The following RABGAP1 variants were observed in gnomAD, a reference collection of about 807,000 sequenced individuals.
The protein encoded by RABGAP1 is rab GTPase-activating protein 1.
In RABGAP1, 23 loss-of-function variants were observed where a neutral mutation model predicts 137.6. That is an observed-to-expected ratio of 0.17 (90% CI 0.12 to 0.24). The LOEUF is 0.24. Among genes scored for constraint, RABGAP1 ranks in the 10% least tolerant of loss-of-function variants. The pLI is 1.00. For missense variants in RABGAP1, 906 were observed against 1,275.8 expected (o/e 0.71, Z 4.42); for synonymous variants, 451 against 450.7 (o/e 1.00, Z -0.01).
chr9:122,950,296 A>G (rs1388316411), intron 1 of RABGAP1, among the ~76,000 whole-genome samples: 1 of 150,904 alleles, frequency 6.6e-6, no homozygotes, highest in African/African-American at 2.4e-5. Context: ...ACTAAAATCC[A>G]TTATTCCAAG....
intron 24 of RABGAP1, 75 bp downstream of exon 24, chr9:123,099,624 G>A (rs953524780): frequency 2.3e-6 from 3 of 1,294,636 alleles, no homozygotes; most frequent in Non-Finnish European, 3.3e-6. Flanking sequence ...GTTTTGGGAG[G>A]AGGCAGTTGA....
In RABGAP1 at chr9:123,074,447, A is replaced by T. The variant is rs76058281; in HGVS notation, c.2253+19A>T. ...ATGTGAGGTATGTATCAGAGGCCAC[A>T]GCACTTTGGCTTTTGTTTGCAGTGT... On this transcript the variant is annotated intron_variant, in intron 17 of 25. Transcript: ENST00000373647. 5.9e-5 allele frequency: 95 copies of T among 1,603,478 alleles called. No individual in the cohort carries two copies. The East Asian group carries it at 1.9e-3, about 33-fold the overall frequency.
chr9:122,974,431 T>TTTC (rs1428439754), intron 2 of RABGAP1, among the ~76,000 whole-genome samples: 5 of 147,164 alleles, frequency 3.4e-5, no homozygotes, highest in Non-Finnish European at 7.5e-5. Context: ...TTTTTTTTTT[T>TTTC]TTTTTTTTTT....
At chr9:123,097,951 A>C in intron 22 of RABGAP1, 106 bp downstream of exon 22, 1 of 903,016 alleles carries the variant, frequency 1.1e-6, no homozygotes, top group Non-Finnish European at 1.7e-6. Context: ...ATCTGGCTTC[A>C]GTTTCTTTCC....
At chr9:122,937,702 AAGG>A (rs1391533735), upstream of RABGAP1, 1 of 152,164 alleles carries the variant, frequency 6.6e-6, no homozygotes, top group Admixed American at 6.6e-5. Context: ...AAATTATAAA[AAGG>A]AGCTGAGGCC....
chr9:123,085,992 T>TA (rs1371551696), intron 19 of RABGAP1, among the ~76,000 whole-genome samples: 1 of 152,238 alleles, frequency 6.6e-6, no homozygotes, highest in Non-Finnish European at 1.5e-5. Flanking sequence ...GCACTGGAGA[T>TA]ACAATAGTAA....
intron 1 of RABGAP1, among the ~76,000 whole-genome samples, chr9:122,947,957 T>C (rs1242226487): frequency 4.6e-5 from 7 of 152,078 alleles, no homozygotes; most frequent in Admixed American, 3.3e-4. Flanking sequence ...TGAGTTTTGT[T>C]TGATTTGTCC....
At position 123,010,389 on chromosome 9, in the gene RABGAP1, T is replaced by A. The variant is rs776401046; in HGVS notation, c.1410T>A (p.Thr470=). ...GGGAGAGAAAGAATAATACTGACACTTTATATGAAGTTGTATGCTTGGAAA... is the reference window on the plus strand; with the variant it reads ...GGGAGAGAAAGAATAATACTGACACATTATATGAAGTTGTATGCTTGGAAA... The part of the protein sequence containing the change: ...KQRERKNNTD[T]LYEVVCLESE... The change falls in exon 11 of 26, where the codon ACT becomes ACA. Residue 470 remains threonine, a synonymous_variant. Coordinates refer to ENST00000373647, the MANE Select transcript of RABGAP1 (RefSeq NM_012197.4). 6.2e-7 allele frequency: 1 copy of A among 1,613,462 alleles called. No homozygotes were observed. Among genetic ancestry groups the A allele is most frequent in the East Asian group, 2.2e-5 (1 of 44,876 alleles).
chr9:122,965,643 C>T (rs1161727473), intron 2 of RABGAP1, among the ~76,000 whole-genome samples: 3 of 152,194 alleles, frequency 2.0e-5, no homozygotes, highest in Non-Finnish European at 4.4e-5. Flanking sequence ...CTCGGCCTCC[C>T]AAAGTGCTAG....
At chr9:122,948,444 C>T (rs375172082) in intron 1 of RABGAP1, among the ~76,000 whole-genome samples, 10 of 152,234 alleles carry the variant, frequency 6.6e-5, no homozygotes, top group African/African-American at 2.2e-4. Context: ...CCTGCCCAAG[C>T]CTTAGTTTGT....
chr9:122,985,610 T>C, intron 3 of RABGAP1, among the ~76,000 whole-genome samples: 1 of 18,118 alleles, frequency 5.5e-5, no homozygotes, highest in Admixed American at 5.9e-4. Flanking sequence ...AGACTCCGTC[T>C]CAAAAAAAAA....
rs553262029 is a variant in RABGAP1 at position 123,066,525 on chromosome 9, C to T, written c.1908+1064C>T. On this transcript the variant is annotated intron_variant, in intron 14 of 25. Transcript: ENST00000373647. ...GAGCTTTCTGCTCTTGAGCATAAGA[C>T]ATGTCACTCTCTTGGGTACGGGCTC... 3.9e-5 allele frequency among the ~76,000 whole-genome samples: 6 copies of T among 152,286 alleles called. No homozygotes were observed. In the East Asian group the frequency reaches 1.2e-3, roughly 29 times the overall value.
intron 1 of RABGAP1, among the ~76,000 whole-genome samples, chr9:122,956,482 C>T (rs1834525387): frequency 6.6e-6 from 1 of 152,084 alleles, no homozygotes. Context: ...AACCCCGTCT[C>T]TACGAAAAAT....
chr9:122,989,198 A>G, intron 4 of RABGAP1, 99 bp from the exon 5 acceptor site: 1 of 1,096,844 alleles, frequency 9.1e-7, no homozygotes, highest in Non-Finnish European at 1.3e-6. Flanking sequence ...CAAATATATG[A>G]TCTTCTTACT....
At chr9:123,020,176 T>C (rs1564137711) in intron 12 of RABGAP1, 133 bp from the exon 13 acceptor site, 3 of 759,046 alleles carry the variant, frequency 4.0e-6, no homozygotes, top group East Asian at 3.5e-5. Context: ...TCAGAAGCAC[T>C]TTTTTTTCCC....
chr9:123,057,094 CG>C (rs1175111324), intron 13 of RABGAP1, among the ~76,000 whole-genome samples: 1 of 144,948 alleles, frequency 6.9e-6, no homozygotes, highest in African/African-American at 2.6e-5. Context: ...GGCGGCTGGC[CG>C]GGCGGGGGGC....
At chr9:123,064,461 A>G (rs1466934400) in intron 13 of RABGAP1, among the ~76,000 whole-genome samples, 5 of 152,238 alleles carry the variant, frequency 3.3e-5, no homozygotes, top group Non-Finnish European at 7.3e-5. Context: ...ATTATTGGAC[A>G]AGAGAAGAAC....
intron 2 of RABGAP1, among the ~76,000 whole-genome samples, chr9:122,969,477 A>G (rs1835357908): frequency 6.6e-6 from 1 of 152,224 alleles, no homozygotes; most frequent in Non-Finnish European, 1.5e-5. Flanking sequence ...ATGTAAGGTT[A>G]TTATGTATAG....
In RABGAP1 at chr9:123,070,560, T is replaced by G; in HGVS notation, c.1983+136T>G. On this transcript the variant is annotated intron_variant, in intron 15 of 25. Transcript: ENST00000373647. The surrounding 1 kb of genome is among the most constrained non-coding windows in gnomAD (Gnocchi z 4.4). ...AATTTTAACACCTATAGCTGGAAAC[T>G]TTTTCCTTAAATTAACTTAATGTCA... is the stretch of plus-strand genomic sequence containing the variant. The G allele has an allele frequency of 7.0e-7, 1 of 1,434,576 alleles. No individual in the cohort carries two copies. Among genetic ancestry groups the G allele is most frequent in the Non-Finnish European group, 9.2e-7 (1 of 1,092,662 alleles). The allele number at this position is 1,434,576 out of a possible 1,614,324, so 88.9% of individuals were successfully genotyped here. A position where few individuals can be genotyped will look rare whatever the true frequency, so the allele number is the denominator to read the frequency against.
Sources: allele counts gnomAD v4.1 joint callset (sites outside exome capture counted in the v4.1 genomes callset), GRCh38; gene constraint gnomAD v4.1.1; non-coding constraint Gnocchi (gnomAD v3.1); transcripts MANE v1.5; gene names NCBI Gene and HGNC (gene_info 2026-07-23, HGNC 2026-07-21).